The following AKAP6 variants were observed in gnomAD, a reference collection of about 807,000 sequenced individuals.
The protein encoded by AKAP6 is A-kinase anchoring protein 6, also known as A-kinase anchor protein 6.
Under a neutral mutation model 188.5 loss-of-function variants are expected in AKAP6, and 58 were observed. That is an observed-to-expected ratio of 0.31 (90% CI 0.25 to 0.38). The LOEUF is 0.38. Among genes scored for constraint, AKAP6 ranks in the 10% least tolerant of loss-of-function variants. The pLI is 1.00. For missense variants in AKAP6, 2,710 were observed against 2,740.0 expected (o/e 0.99, Z 0.24); for synonymous variants, 989 against 998.6 (o/e 0.99, Z 0.18).
intron 2 of AKAP6, among the ~76,000 whole-genome samples, chr14:32,443,503 A>G (rs1004747117): frequency 1.3e-5 from 2 of 152,196 alleles, no homozygotes; most frequent in Admixed American, 1.3e-4. Context: ...GGACCCAGAC[A>G]TCAGTCTTTT....
intron 2 of AKAP6, chr14:32,484,394 T>C (rs1329727562): frequency 1.3e-5 from 2 of 152,498 alleles, no homozygotes; most frequent in Non-Finnish European, 1.9e-5. Flanking sequence ...AGGGTGGGAG[T>C]AGTTCCCTGC....
At chr14:32,584,271 G>T (rs1173996958) in intron 5 of AKAP6, among the ~76,000 whole-genome samples, 1 of 152,200 alleles carries the variant, frequency 6.6e-6, no homozygotes, top group Admixed American at 6.5e-5. Flanking sequence ...TGATTACTAA[G>T]TGACTAATGA....
chr14:32,614,100 G>A (rs1214800781), intron 7 of AKAP6, among the ~76,000 whole-genome samples: 3 of 152,062 alleles, frequency 2.0e-5, no homozygotes, highest in East Asian at 1.9e-4. Flanking sequence ...TATAATACAG[G>A]ACAAAGAGAA....
intron 2 of AKAP6, among the ~76,000 whole-genome samples, chr14:32,526,442 C>A (rs150085212): frequency 1.6e-3 from 249 of 152,110 alleles, no homozygotes; most frequent in African/African-American, 5.6e-3. Flanking sequence ...CACATTGCCC[C>A]GGCTGGTCTC....
At chr14:32,495,825 A>G (rs1383765713) in intron 2 of AKAP6, among the ~76,000 whole-genome samples, 1 of 152,112 alleles carries the variant, frequency 6.6e-6, no homozygotes, top group African/African-American at 2.4e-5. Flanking sequence ...AAACTGCTTA[A>G]TAGGGTCTGG....
intron 9 of AKAP6, among the ~76,000 whole-genome samples, chr14:32,699,978 A>T (rs181128594): frequency 7.5e-4 from 114 of 152,306 alleles, no homozygotes; most frequent in African/African-American, 2.7e-3. Context: ...TTAATGGAGA[A>T]ATATTTAAAA....
intron 5 of AKAP6, among the ~76,000 whole-genome samples, chr14:32,589,833 G>C (rs954036406): frequency 6.6e-6 from 1 of 152,152 alleles, no homozygotes; most frequent in African/African-American, 2.4e-5. Context: ...TGAAGAAAAA[G>C]TTTACAGACA....
chr14:32,823,703 T>C lies in AKAP6; in HGVS notation c.5890T>C (p.Cys1964Arg), dbSNP rs765641502. 1.9e-6 allele frequency: 3 copies of C among 1,613,798 alleles called. No individual in the cohort carries two copies. Among genetic ancestry groups the C allele is most frequent in the Non-Finnish European group, 2.5e-6 (3 of 1,179,906 alleles). ...SQDVRHLPKK[C>R]PNHHHFENQS... ...AGATGTTAGACATCTTCCAAAGAAA[T>C]GTCCAAATCACCACCATTTTGAAAA... Residue 1964 changes from cysteine (C) to arginine (R), a missense_variant, in exon 13 of 14, where the codon TGT (cysteine) becomes CGT (arginine). This residue lies in a region of AKAP6 where 2,473 missense variants were observed against 2,426.1 expected (regional missense o/e 1.02). Coordinates refer to ENST00000280979, the MANE Select transcript of AKAP6 (RefSeq NM_004274.5).
At chr14:32,724,514 G>C (rs2030742181) in intron 9 of AKAP6, among the ~76,000 whole-genome samples, 1 of 152,140 alleles carries the variant, frequency 6.6e-6, no homozygotes. Flanking sequence ...TTAAAATCTG[G>C]TTAGTAGTGT....
intron 4 of AKAP6, among the ~76,000 whole-genome samples, chr14:32,550,770 A>G (rs59029463): frequency 0.091 from 13,794 of 152,192 alleles, 719 homozygotes; most frequent in South Asian, 0.11. Context: ...CTCTCCCATA[A>G]AATTCTTATA....
intron 8 of AKAP6, among the ~76,000 whole-genome samples, chr14:32,687,290 T>C (rs141345321): frequency 2.6e-5 from 4 of 152,240 alleles, no homozygotes; most frequent in Admixed American, 2.6e-4. Flanking sequence ...TCAAATGACT[T>C]TAACCAAATG....
At chr14:32,741,300 A>G (rs2031662873) in intron 11 of AKAP6, among the ~76,000 whole-genome samples, 1 of 151,974 alleles carries the variant, frequency 6.6e-6, no homozygotes, top group Admixed American at 6.6e-5. Flanking sequence ...ATGTAAGATA[A>G]TATCTGCAAA....
chr14:32,458,192 G>A lies in AKAP6; in HGVS notation c.324+24375G>A, dbSNP rs114781000. On this transcript the variant is annotated intron_variant, in intron 2 of 13. Coordinates refer to ENST00000280979, the MANE Select transcript of AKAP6 (RefSeq NM_004274.5). Reference sequence around the variant, plus strand: ...GGGTGCCCAAAGTAAAGTCTACTTAGAAAAAACAATTTTTTAGATTAAGAT... The same window carrying A: ...GGGTGCCCAAAGTAAAGTCTACTTAAAAAAAACAATTTTTTAGATTAAGAT... Among the ~76,000 whole-genome samples, 1,337 of 152,138 alleles carry A rather than the reference G, an allele frequency of 8.8e-3. 21 individuals carry two copies. Among genetic ancestry groups the A allele is most frequent in the African/African-American group, 0.031 (1,285 of 41,520 alleles).
At chr14:32,500,646 C>T (rs1226965866) in intron 2 of AKAP6, among the ~76,000 whole-genome samples, 1 of 152,096 alleles carries the variant, frequency 6.6e-6, no homozygotes, top group African/African-American at 2.4e-5. Flanking sequence ...AGAAGCTTCC[C>T]TGAGAAGTTC....
intron 12 of AKAP6, among the ~76,000 whole-genome samples, chr14:32,810,420 A>G (rs1015074652): frequency 9.9e-5 from 15 of 152,180 alleles, no homozygotes; most frequent in Non-Finnish European, 1.3e-4. Context: ...CAGGACAAGA[A>G]CTTCTATTCC....
intron 1 of AKAP6, among the ~76,000 whole-genome samples, chr14:32,418,577 G>A (rs529798201): frequency 6.6e-6 from 1 of 152,132 alleles, no homozygotes; most frequent in Non-Finnish European, 1.5e-5. Flanking sequence ...GTGACTTAGA[G>A]ACACACCTAA....
chr14:32,418,944 A>G (rs931813283), intron 1 of AKAP6, among the ~76,000 whole-genome samples: 5 of 152,172 alleles, frequency 3.3e-5, no homozygotes, highest in Admixed American at 1.3e-4. Context: ...CAAATTATTT[A>G]TCTATGATAT....
At chr14:32,773,526 C>T (rs1049749040) in intron 11 of AKAP6, 152 bp from the exon 12 acceptor site, 9 of 716,840 alleles carry the variant, frequency 1.3e-5, no homozygotes, top group Non-Finnish European at 1.9e-5. Context: ...AGGAGGCCTC[C>T]ATTCTAAAAG....
Position 32,568,777 on chromosome 14 carries a change from T to C in AKAP6, c.2347-8343T>C, listed in dbSNP as rs1257921738. On this transcript the variant is annotated intron_variant, in intron 4 of 13. Coordinates refer to ENST00000280979, the MANE Select transcript of AKAP6 (RefSeq NM_004274.5). This position sits in a 1 kb window ranked among gnomAD's most constrained non-coding sequence, Gnocchi z 6.2. ...AAATGGAGAGTGCAGTAATATTGTA[T>C]CATAGGGTTGTTGTAAGGATTATGT... is the stretch of plus-strand genomic sequence containing the variant. Among the ~76,000 whole-genome samples the C allele has an allele frequency of 6.6e-6, 1 of 152,210 alleles. No homozygotes were observed. Among genetic ancestry groups the C allele is most frequent in the Non-Finnish European group, 1.5e-5 (1 of 68,030 alleles).
Sources: allele counts gnomAD v4.1 joint callset (sites outside exome capture counted in the v4.1 genomes callset), GRCh38; gene constraint gnomAD v4.1.1; regional missense constraint gnomAD v4.1.1; non-coding constraint Gnocchi (gnomAD v3.1); transcripts MANE v1.5; gene names NCBI Gene and HGNC (gene_info 2026-07-23, HGNC 2026-07-21).